The following IRAG2 variants were observed in gnomAD, a reference collection of about 807,000 sequenced individuals.
IRAG2 encodes the protein inositol 1,4,5-triphosphate receptor associated 2.
A neutral mutation model predicts 69.9 loss-of-function variants in IRAG2; 45 were observed. The ratio of observed to expected loss-of-function variants is 0.64; its 90% CI spans 0.51 to 0.83. IRAG2 has a LOEUF of 0.83. IRAG2 is among the 40% of genes least tolerant of loss of function. The pLI is 0.00. For missense variants in IRAG2, 520 were observed against 587.0 expected (o/e 0.89, Z 1.18); for synonymous variants, 193 against 202.4 (o/e 0.95, Z 0.40).
At chr12:25,032,312 G>A (rs374148488) in exon 12 of IRAG2, 11 of 398,850 alleles carry the variant, frequency 2.8e-5, no homozygotes, top group East Asian at 7.1e-5. Flanking sequence ...CAGAATTTAC[G>A]AGGGGAAAAA....
chr12:25,006,988 T>G (rs749126802), intron 2 of IRAG2, among the ~76,000 whole-genome samples: 1 of 152,236 alleles, frequency 6.6e-6, no homozygotes, highest in Non-Finnish European at 1.5e-5. Context: ...CCTGTTTCCC[T>G]GAGTAACCAT....
chr12:25,045,402 A>G (rs1439281432), intron 16 of IRAG2, among the ~76,000 whole-genome samples: 1 of 152,116 alleles, frequency 6.6e-6, no homozygotes, highest in Non-Finnish European at 1.5e-5. Context: ...AATAAAAATT[A>G]GAGCAAAAAG....
intron 7 of IRAG2, among the ~76,000 whole-genome samples, chr12:25,022,969 T>C (rs1333208418): frequency 6.6e-6 from 1 of 151,854 alleles, no homozygotes; most frequent in Non-Finnish European, 1.5e-5. Flanking sequence ...CTACTAAAAA[T>C]ACAAAAAGTA....
At chr12:25,035,776 C>T (rs975395658) in exon 14 of IRAG2, 16 of 398,904 alleles carry the variant, frequency 4.0e-5, no homozygotes, top group Non-Finnish European at 6.6e-5. Flanking sequence ...CACAGCCACG[C>T]TTCAGAAGCT....
intron 12 of IRAG2, among the ~76,000 whole-genome samples, chr12:25,033,344 A>T (rs1244712328): frequency 6.6e-6 from 1 of 152,180 alleles, no homozygotes; most frequent in Non-Finnish European, 1.5e-5. Flanking sequence ...TTGTTTCTGA[A>T]TGTGAGTAAT....
upstream of IRAG2, among the ~76,000 whole-genome samples, chr12:25,003,949 G>A (rs1944411617): frequency 6.6e-6 from 1 of 152,168 alleles, no homozygotes; most frequent in Non-Finnish European, 1.5e-5. Flanking sequence ...GAGCTGGACT[G>A]CCTGCGTTAG....
At chr12:25,077,915 G>A (rs1946937589) in intron 6 of IRAG2, among the ~76,000 whole-genome samples, 1 of 152,152 alleles carries the variant, frequency 6.6e-6, no homozygotes, top group Middle Eastern at 3.2e-3. Flanking sequence ...AAACATTTGA[G>A]GTGAACATCT....
chr12:25,032,300 T>C, intron 11 of IRAG2: 1 of 399,058 alleles, frequency 2.5e-6, no homozygotes, highest in Non-Finnish European at 4.4e-6. Flanking sequence ...TGTGTGCGAT[T>C]CCAGAATTTA....
chr12:25,079,535 G>T, intron 8 of IRAG2, 73 bp downstream of exon 8: 1 of 1,415,312 alleles, frequency 7.1e-7, no homozygotes, highest in Non-Finnish European at 1.0e-6. Flanking sequence ...TCTGTGACCT[G>T]CTGGGGTGTG....
At chr12:25,017,723 A>T (rs1221884002) in intron 6 of IRAG2, among the ~76,000 whole-genome samples, 1 of 151,278 alleles carries the variant, frequency 6.6e-6, no homozygotes, top group Non-Finnish European at 1.5e-5. Context: ...GTCTCAAAAA[A>T]AAAACCAACA....
At chr12:24,997,854 A>C in the IRAG2 span, among the ~76,000 whole-genome samples, 1 of 152,316 alleles carries the variant, frequency 6.6e-6, no homozygotes, top group African/African-American at 2.4e-5. Flanking sequence ...AACACTCTAC[A>C]AATAGGGAAA....
intron 2 of IRAG2, among the ~76,000 whole-genome samples, chr12:25,008,066 A>G (rs1332355922): frequency 6.6e-6 from 1 of 152,214 alleles, no homozygotes; most frequent in African/African-American, 2.4e-5. Context: ...CAACCTAAAT[A>G]CATAGATGGT....
At chr12:25,029,403 G>A (rs1353683197) in intron 9 of IRAG2, among the ~76,000 whole-genome samples, 3 of 152,146 alleles carry the variant, frequency 2.0e-5, no homozygotes, top group Admixed American at 6.5e-5. Flanking sequence ...TCTACTAAAT[G>A]GATGTGATGT....
At chr12:25,044,516 A>T (rs1944776853) in intron 16 of IRAG2, among the ~76,000 whole-genome samples, 1 of 152,158 alleles carries the variant, frequency 6.6e-6, no homozygotes, top group South Asian at 2.1e-4. Flanking sequence ...ATTCAACTAT[A>T]TGCTGTCTCA....
intron 2 of IRAG2, among the ~76,000 whole-genome samples, chr12:25,010,763 C>T (rs1944467981): frequency 6.6e-6 from 1 of 152,036 alleles, no homozygotes; most frequent in South Asian, 2.1e-4. Context: ...AAGTAGCCAG[C>T]CCAAGGCAGG....
chr12:25,088,308 T>C, intron 11 of IRAG2, 151 bp downstream of exon 11: 1 of 662,306 alleles, frequency 1.5e-6, no homozygotes. Flanking sequence ...ATTCCATTTG[T>C]GTCATTTTCA....
At chr12:25,003,712 C>T (rs1207045806), upstream of IRAG2, among the ~76,000 whole-genome samples, 13 of 152,136 alleles carry the variant, frequency 8.5e-5, no homozygotes, top group East Asian at 2.5e-3. Flanking sequence ...CTCTTTGATT[C>T]TTAGTTTCCT....
intron 16 of IRAG2, among the ~76,000 whole-genome samples, chr12:25,046,044 G>A (rs146282827): frequency 6.3e-4 from 96 of 152,182 alleles, no homozygotes; most frequent in Non-Finnish European, 9.0e-4. Context: ...TTATTTCTGG[G>A]ATGCAAGGAT....
At chr12:25,015,395 A>T (rs1192536572) in exon 5 of IRAG2, 2 of 1,231,898 alleles carry the variant, frequency 1.6e-6, no homozygotes, top group African/African-American at 3.1e-5. Context: ...GGGAGCTTCG[A>T]GGCTTTGGGA....
Sources: gnomAD v4.1 joint callset for allele counts (sites outside exome capture counted in the v4.1 genomes callset) on GRCh38, gnomAD v4.1.1 for gene constraint, MANE v1.5 for transcripts, NCBI Gene and HGNC (gene_info 2026-07-23, HGNC 2026-07-21) for gene names.